Variants in DMXL2 observed in about 807,000 individuals in gnomAD.
The protein encoded by DMXL2 is Dmx like 2.
A neutral mutation model predicts 331.1 loss-of-function variants in DMXL2; 103 were observed. That is an observed-to-expected ratio of 0.31 (90% CI 0.27 to 0.37). The LOEUF is 0.37. DMXL2 is among the 10% of genes least tolerant of loss of function. DMXL2 has a pLI of 1.00. For missense variants in DMXL2, 3,171 were observed against 3,642.9 expected, an observed-to-expected ratio of 0.87 and a Z score of 3.33; for synonymous variants, 1,281 against 1,252.1, an observed-to-expected ratio of 1.02 and a Z score of -0.49.
intron 1 of DMXL2, among the ~76,000 whole-genome samples, chr15:51,606,717 G>A (rs1196061691): frequency 1.3e-5 from 2 of 151,978 alleles, no homozygotes; most frequent in Non-Finnish European, 2.9e-5. Flanking sequence ...ATCACACAAG[G>A]AAAAAAGACC....
Position 51,582,695 on chromosome 15 carries a change from T to C in DMXL2, c.88-6514A>G, listed in dbSNP as rs1009387488. Reference sequence around the variant, plus strand: ...AGGACAAATAGGTTTCCTTAATACGTTCCTGATTAAGCAAGAAATTTCACA... The same window carrying C: ...AGGACAAATAGGTTTCCTTAATACGCTCCTGATTAAGCAAGAAATTTCACA... On this transcript the variant is annotated intron_variant, in intron 1 of 43. Transcript: ENST00000560891. Among the ~76,000 whole-genome samples the C allele has an allele frequency of 5.9e-5, 9 of 152,188 alleles. No homozygotes were observed. The East Asian group carries it at 1.2e-3, about 20-fold the overall frequency.
intron 42 of DMXL2, 61 bp from the exon 43 acceptor site, chr15:51,450,407 G>A (rs1255673659): frequency 1.3e-6 from 2 of 1,488,188 alleles, no homozygotes; most frequent in Non-Finnish European, 9.4e-7. Context: ...TAATTATGAT[G>A]TCTACATCCA....
chr15:51,568,656 A>C, intron 2 of DMXL2, 98 bp from the exon 3 acceptor site: 37 of 765,580 alleles, frequency 4.8e-5, no homozygotes, highest in Non-Finnish European at 7.3e-5. Flanking sequence ...ATATAATCTC[A>C]ATACAGTATT....
At chr15:51,607,916 G>A (rs552214622) in intron 1 of DMXL2, among the ~76,000 whole-genome samples, 1 of 152,164 alleles carries the variant, frequency 6.6e-6, no homozygotes, top group East Asian at 1.9e-4. Context: ...AAAATAGGCT[G>A]GGCTCACACC....
At position 51,499,043 on chromosome 15, in the gene DMXL2, T is replaced by C. The variant is rs760002852; in HGVS notation, c.4181A>G (p.His1394Arg). ...ACTTACACTAATAGTTCGAGAGAGA[T>C]GTCGCTTAGTTCCTTCTCCAGCATC... is the stretch of plus-strand genomic sequence containing the variant. Reference protein sequence around the residue: ...DPDAGEGTKRHLSRTISVSGS... With the variant: ...DPDAGEGTKRRLSRTISVSGS... Residue 1394 changes from histidine to arginine, a missense_variant, in exon 18 of 44, where the codon CAT (histidine) becomes CGT (arginine). His to Arg is a conservative substitution (Grantham distance 29). Transcript: ENST00000560891. The C allele has an allele frequency of 4.3e-6, 7 of 1,613,866 alleles. No individual in the cohort carries two copies. Among genetic ancestry groups the C allele is most frequent in the African/African-American group, 1.3e-5 (1 of 74,948 alleles).
rs116529771 is a variant in DMXL2 at position 51,530,421 on chromosome 15, T to C, written c.2436+5242A>G. 4.6e-3 allele frequency among the ~76,000 whole-genome samples: 700 copies of C among 152,164 alleles called. 7 individuals carry two copies. Among genetic ancestry groups the C allele is most frequent in the African/African-American group, 0.016 (676 of 41,508 alleles). ...CATACAAATACCAGTAGCATTTCTA[T>C]AGGCCAACAGCAAAAAATCTGAAAA... On this transcript the variant is annotated intron_variant, in intron 13 of 43. Coordinates refer to ENST00000560891, the MANE Select transcript of DMXL2 (RefSeq NM_001378457.1).
intron 6 of DMXL2, among the ~76,000 whole-genome samples, chr15:51,548,131 TTTAG>T (rs1195422564): frequency 5.3e-5 from 8 of 152,030 alleles, no homozygotes; most frequent in African/African-American, 1.4e-4. Flanking sequence ...GTCCTAACAA[TTTAG>T]TTAAAGGCTA....
At position 51,459,622 on chromosome 15, in the gene DMXL2, G is replaced by A; in HGVS notation, c.7965C>T (p.Cys2655=). Residue 2655 remains cysteine (C), a synonymous_variant, in exon 34 of 44, where the codon TGC becomes TGT. Coordinates refer to ENST00000560891, the MANE Select transcript of DMXL2 (RefSeq NM_001378457.1). The stretch of plus-strand genomic sequence containing the variant: ...CCTTGATGTGGCAATCTTCTGCTAT[G>A]CAGTTTTGGTTGACCTGCTCCACAT... ...EEHVEQVNQN[C]IAEDCHIKVE... is the part of the protein sequence containing the mutation. The A allele has an allele frequency of 1.6e-6, 2 of 1,289,788 alleles. No individual in the cohort carries two copies. The allele number at this position is 1,289,788 out of a possible 1,614,324, so 79.9% of individuals were successfully genotyped here. A position where few individuals can be genotyped will look rare whatever the true frequency, so the allele number is the denominator to read the frequency against.
intron 15 of DMXL2, among the ~76,000 whole-genome samples, chr15:51,508,524 G>A (rs2046550706): frequency 6.6e-6 from 1 of 152,104 alleles, no homozygotes; most frequent in Non-Finnish European, 1.5e-5. Context: ...TTTAAAAAAT[G>A]ACTGCAACTG....
In DMXL2 at chr15:51,547,279, G is replaced by C. The variant is rs1242647934; in HGVS notation, c.697C>G (p.Arg233Gly). Residue 233 changes from arginine (R) to glycine (G), a missense_variant, in exon 7 of 44, where the codon CGA (arginine) becomes GGA (glycine). This residue lies in a region of DMXL2 where 1,674 missense variants were observed against 1,780.2 expected (regional missense o/e 0.94). Coordinates refer to ENST00000560891, the MANE Select transcript of DMXL2 (RefSeq NM_001378457.1). ...CGCCACGAAAAACCTGTCACAGCTC[G>C]GGGATGTGCCAAGTAAACAAAAGAA... ...QFSFVYLAHP[R>G]AVTGFSWRKT... The C allele has an allele frequency of 1.9e-6, 3 of 1,612,738 alleles. No individual in the cohort carries two copies. The highest frequency in any genetic ancestry group is 2.5e-6 in the Non-Finnish European group (3 of 1,179,276).
At position 51,561,991 on chromosome 15, in the gene DMXL2, G is replaced by C. The variant is rs181278150; in HGVS notation, c.567+1390C>G. Among the ~76,000 whole-genome samples the C allele has an allele frequency of 3.9e-5, 6 of 152,242 alleles. No individual in the cohort carries two copies. In the East Asian group the frequency reaches 1.2e-3, roughly 29 times the overall value. Reference sequence around the variant, plus strand: ...TGTGGGAGCTAAAAAAGGAGATGAAGAGAAATTGGTTAATTGGTACAAATA... The same window carrying C: ...TGTGGGAGCTAAAAAAGGAGATGAACAGAAATTGGTTAATTGGTACAAATA... On this transcript the variant is annotated intron_variant, in intron 6 of 43. Coordinates refer to ENST00000560891, the MANE Select transcript of DMXL2 (RefSeq NM_001378457.1).
In DMXL2 at chr15:51,465,667, C is replaced by T. The variant is rs1370305110; in HGVS notation, c.7521-16G>A. On this transcript the variant is annotated splice_polypyrimidine_tract_variant and intron_variant, in intron 30 of 43. Coordinates refer to ENST00000560891, the MANE Select transcript of DMXL2 (RefSeq NM_001378457.1). Reference sequence around the variant, plus strand: ...AAGAGCCCAGCTGTTCAAGGAGGGGCAAAAAGAGTCTTTAAGTGAAAAATA... The same window carrying T: ...AAGAGCCCAGCTGTTCAAGGAGGGGTAAAAAGAGTCTTTAAGTGAAAAATA... 1 of 1,525,240 alleles carries T rather than the reference C, an allele frequency of 6.6e-7. No individual in the cohort carries two copies. The highest frequency in any genetic ancestry group is 8.9e-7 in the Non-Finnish European group (1 of 1,123,570). The allele number at this position is 1,525,240 out of a possible 1,614,324, so 94.5% of individuals were successfully genotyped here.
intron 1 of DMXL2, among the ~76,000 whole-genome samples, chr15:51,600,732 A>G (rs1220362805): frequency 6.6e-6 from 1 of 152,224 alleles, no homozygotes; most frequent in East Asian, 1.9e-4. Context: ...GGACACGGAT[A>G]GGACAAGAAC....
chr15:51,537,168 C>T (rs186892174), intron 11 of DMXL2, among the ~76,000 whole-genome samples: 131 of 152,276 alleles, frequency 8.6e-4, no homozygotes, highest in African/African-American at 2.9e-3. Context: ...AAATTGGCCA[C>T]AAGGAGGAGC....
intron 34 of DMXL2, 100 bp downstream of exon 34, chr15:51,459,498 G>A (rs1295958633): frequency 1.0e-6 from 1 of 968,506 alleles, no homozygotes; most frequent in Non-Finnish European, 1.4e-6. Flanking sequence ...AGTTCTCTGA[G>A]TAGTTAGCCA....
Position 51,507,247 on chromosome 15 carries a change from C to T in DMXL2, c.2651G>A (p.Arg884His), listed in dbSNP as rs771086816. The change falls in exon 16 of 44, where the codon CGC becomes CAC. Residue 884 changes from arginine (R) to histidine (H), a missense_variant. Physicochemically the swap from Arg to His is conservative, Grantham distance 29 (BLOSUM62 0). Around this residue, in one of 7 missense-constraint regions of DMXL2, gnomAD observed 1,674 missense variants for 1,780.2 expected, o/e 0.94. Coordinates refer to ENST00000560891, the MANE Select transcript of DMXL2 (RefSeq NM_001378457.1). ...GAACTTTTCTGAAAATGGTGGTGGG[C>T]GGTATCCTATTATTCAAAGGAAAAG... ...EIFFQPSQGYRPPPFSEKFFL... is the reference protein window; with the variant it reads ...EIFFQPSQGYHPPPFSEKFFL... The T allele has an allele frequency of 1.4e-5, 22 of 1,606,796 alleles. No individual in the cohort carries two copies. The African/African-American group carries it at 2.0e-4, about 15-fold the overall frequency.
chr15:51,566,034 C>T (rs1192141807), intron 3 of DMXL2, among the ~76,000 whole-genome samples: 1 of 152,004 alleles, frequency 6.6e-6, no homozygotes, highest in Non-Finnish European at 1.5e-5. Flanking sequence ...ATTGCAAGAC[C>T]CCCATCTCTA....
At chr15:51,602,128 C>A (rs75108252) in intron 1 of DMXL2, among the ~76,000 whole-genome samples, 17 of 152,178 alleles carry the variant, frequency 1.1e-4, no homozygotes, top group Admixed American at 7.2e-4. Flanking sequence ...CAGATAAATG[C>A]GGTAAGAAGA....
intron 9 of DMXL2, among the ~76,000 whole-genome samples, chr15:51,539,210 CAA>C (rs1247726090): frequency 1.5e-5 from 2 of 131,920 alleles, no homozygotes. Flanking sequence ...ACTCCGTTTC[CAA>C]AAAAAAAAAG....
Sources: allele counts gnomAD v4.1 joint callset (sites outside exome capture counted in the v4.1 genomes callset), GRCh38; gene constraint gnomAD v4.1.1; regional missense constraint gnomAD v4.1.1; transcripts MANE v1.5; gene names NCBI Gene and HGNC (gene_info 2026-07-23, HGNC 2026-07-21).